Variants in FUT8 observed in about 807,000 individuals in gnomAD.
FUT8 encodes the protein alpha-(1,6)-fucosyltransferase.
FUT8 carries 29 observed loss-of-function variants against 71.3 expected under a neutral mutation model. The observed-to-expected ratio is 0.41, with a 90% CI of 0.30 to 0.55. The LOEUF (loss-of-function observed/expected upper bound fraction) is 0.55, where lower values mean the gene tolerates loss of function less well. FUT8 is among the 20% of genes least tolerant of loss of function. The pLI is 0.34. For missense variants in FUT8, 544 were observed against 702.1 expected (o/e 0.77, Z 2.55); for synonymous variants, 254 against 239.3 (o/e 1.06, Z -0.57).
intron 3 of FUT8, among the ~76,000 whole-genome samples, chr14:65,604,296 A>G (rs1213553760): frequency 2.0e-5 from 3 of 151,946 alleles, no homozygotes; most frequent in African/African-American, 7.2e-5. Flanking sequence ...ACCACAGAGT[A>G]TACATTCTAT....
intron 6 of FUT8, among the ~76,000 whole-genome samples, chr14:65,644,416 G>A (rs540598578): frequency 8.6e-5 from 13 of 151,884 alleles, no homozygotes; most frequent in African/African-American, 1.2e-4. Flanking sequence ...TCAGCCTCCC[G>A]ACTAGCTGGG....
chr14:65,426,688 A>T (rs2065392994), intron 1 of FUT8, among the ~76,000 whole-genome samples: 1 of 152,150 alleles, frequency 6.6e-6, no homozygotes, highest in Non-Finnish European at 1.5e-5. Flanking sequence ...GAAATAGAAG[A>T]AAGGTCAGAG....
chr14:65,420,920 C>T (rs954465687), intron 1 of FUT8, among the ~76,000 whole-genome samples: 4 of 152,038 alleles, frequency 2.6e-5, no homozygotes, highest in Admixed American at 6.6e-5. Context: ...ATAGGCCGGG[C>T]GCCGTGGCTC....
At chr14:65,382,498 G>A in the FUT8 span, among the ~76,000 whole-genome samples, 1 of 152,054 alleles carries the variant, frequency 6.6e-6, no homozygotes, top group Non-Finnish European at 1.5e-5. Flanking sequence ...ACCAGGCCTC[G>A]CTAATTTTTT....
chr14:65,696,847 G>A (rs539094548), intron 7 of FUT8, among the ~76,000 whole-genome samples: 142 of 152,022 alleles, frequency 9.3e-4, no homozygotes, highest in Non-Finnish European at 1.7e-3. Flanking sequence ...GCCATTAAAG[G>A]CATTCTTCAT....
intron 3 of FUT8, among the ~76,000 whole-genome samples, chr14:65,582,917 A>G (rs1039723295): frequency 3.3e-5 from 5 of 152,208 alleles, no homozygotes; most frequent in South Asian, 2.1e-4. Context: ...AGACATGCTG[A>G]TCTATGCCTG....
At chr14:65,630,599 A>G (rs946574846) in intron 6 of FUT8, among the ~76,000 whole-genome samples, 1 of 152,174 alleles carries the variant, frequency 6.6e-6, no homozygotes, top group African/African-American at 2.4e-5. Flanking sequence ...AGATAAGAGG[A>G]CCATAGTGCA....
chr14:65,736,129 T>C (rs1298914837), intron 10 of FUT8, among the ~76,000 whole-genome samples: 2 of 152,160 alleles, frequency 1.3e-5, no homozygotes, highest in African/African-American at 4.8e-5. Context: ...AGCCTATTTC[T>C]TAACTGGTTT....
At chr14:65,609,119 AC>A (rs1431009110) in intron 3 of FUT8, among the ~76,000 whole-genome samples, 6 of 150,932 alleles carry the variant, frequency 4.0e-5, no homozygotes, top group African/African-American at 1.5e-4. Flanking sequence ...ACATGGCAAA[AC>A]CCCGTCTCTA....
chr14:65,392,221 C>A, the FUT8 span, among the ~76,000 whole-genome samples: 12 of 152,160 alleles, frequency 7.9e-5, no homozygotes, highest in African/African-American at 2.9e-4. Flanking sequence ...CATGAGCCAC[C>A]GCGCCCGGCT....
At chr14:65,611,207 GCGCGCGCGCGCGCGCGCACA>G (rs1888900243) in intron 3 of FUT8, among the ~76,000 whole-genome samples, 2 of 2,876 alleles carry the variant, frequency 7.0e-4, no homozygotes, top group Non-Finnish European at 2.6e-3. Flanking sequence ...ACGCGCGCGC[GCGCGCGCGCGCGCGCGCACA>G]CACACACACA....
At chr14:65,595,785 A>G (rs2140153461) in intron 3 of FUT8, among the ~76,000 whole-genome samples, 1 of 151,522 alleles carries the variant, frequency 6.6e-6, no homozygotes, top group East Asian at 1.9e-4. Context: ...ATTTTTTTGT[A>G]TTTTTAGTAG....
chr14:65,547,036 T>C (rs1267321904), intron 2 of FUT8, among the ~76,000 whole-genome samples: 1 of 151,808 alleles, frequency 6.6e-6, no homozygotes, highest in East Asian at 1.9e-4. Context: ...AATATTTTCT[T>C]ATTACTCTTT....
chr14:65,546,792 TTA>T (rs150821170), intron 2 of FUT8, among the ~76,000 whole-genome samples: 8,817 of 151,818 alleles, frequency 0.058, 305 homozygotes, highest in Admixed American at 0.11. Flanking sequence ...AGAATTGTTG[TTA>T]TATCTACCAT....
At chr14:65,398,531 C>G in the FUT8 span, among the ~76,000 whole-genome samples, 4 of 151,782 alleles carry the variant, frequency 2.6e-5, no homozygotes, top group Non-Finnish European at 4.4e-5. Context: ...GTCAAGAGAT[C>G]AAGACGATTC....
At chr14:65,692,423 C>A in intron 7 of FUT8, among the ~76,000 whole-genome samples, 1 of 144,814 alleles carries the variant, frequency 6.9e-6, no homozygotes, top group South Asian at 2.2e-4. Flanking sequence ...CCCCCACCTC[C>A]CTCCCGGACG....
intron 9 of FUT8, 46 bp from the exon 10 acceptor site, chr14:65,733,185 A>ATACT: frequency 7.9e-7 from 1 of 1,265,596 alleles, no homozygotes; most frequent in Non-Finnish European, 1.1e-6. Context: ...TTCTGATAGG[A>ATACT]TACTGTGATA....
intron 2 of FUT8, among the ~76,000 whole-genome samples, chr14:65,507,339 A>G (rs1434048110): frequency 2.6e-5 from 4 of 152,138 alleles, no homozygotes; most frequent in Non-Finnish European, 5.9e-5. Context: ...TTTTCCCACC[A>G]GCCTGATTGA....
chr14:65,616,291 T>A lies in FUT8; in HGVS notation c.400T>A (p.Leu134Met). 6.2e-7 allele frequency: 1 copy of A among 1,612,666 alleles called. No individual in the cohort carries two copies. The highest frequency in any genetic ancestry group is 1.1e-5 in the South Asian group (1 of 90,878). The change falls in exon 5 of 11, where the codon TTG becomes ATG. Residue 134 changes from leucine to methionine, a missense_variant. Coordinates refer to ENST00000673929, the MANE Select transcript of FUT8 (RefSeq NM_001371533.1). ...KELWFFLQSELKKLKNLEGNE... is the reference protein window; with the variant it reads ...KELWFFLQSEMKKLKNLEGNE... ...GCTCTGGTTTTTCCTACAGAGTGAA[T>A]TGAAGAAATTAAAGAACTTAGAAGG...
Sources: allele counts gnomAD v4.1 joint callset (sites outside exome capture counted in the v4.1 genomes callset), GRCh38; gene constraint gnomAD v4.1.1; transcripts MANE v1.5; gene names NCBI Gene and HGNC (gene_info 2026-07-23, HGNC 2026-07-21).